Variants in DARS2 observed in about 807,000 individuals in gnomAD.
DARS2 encodes the protein aspartate--tRNA ligase, mitochondrial.
A neutral mutation model predicts 83.0 loss-of-function variants in DARS2; 63 were observed. The ratio of observed to expected loss-of-function variants is 0.76; its 90% CI spans 0.62 to 0.94. The LOEUF (loss-of-function observed/expected upper bound fraction) is 0.94. Ranked by LOEUF, DARS2 falls within the 40% of genes least tolerant of loss-of-function variation. The pLI, the probability that DARS2 is intolerant of heterozygous loss-of-function variation, is 0.00. For missense variants in DARS2, 675 were observed against 774.4 expected (o/e 0.87, Z 1.52); for synonymous variants, 250 against 269.3 (o/e 0.93, Z 0.70).
At chr1:173,835,434 T>G (rs1304492114) in intron 7 of DARS2, among the ~76,000 whole-genome samples, 1 of 147,660 alleles carries the variant, frequency 6.8e-6, no homozygotes, top group African/African-American at 2.5e-5. Flanking sequence ...CCGGGCGCGG[T>G]GGCTCACACA....
intron 11 of DARS2, among the ~76,000 whole-genome samples, chr1:173,842,279 A>ACTTT (rs1275744572): frequency 2.2e-4 from 17 of 78,686 alleles, no homozygotes; most frequent in South Asian, 8.6e-4. Context: ...CAGTCTCATT[A>ACTTT]CTTTCTTTTT....
intron 8 of DARS2, 137 bp downstream of exon 8, chr1:173,837,183 C>T: frequency 1.3e-6 from 1 of 793,576 alleles, no homozygotes; most frequent in Non-Finnish European, 2.1e-6. Flanking sequence ...TTATAAAATG[C>T]CCTCATAATT....
chr1:173,827,475 A>G (rs938473769), intron 2 of DARS2, among the ~76,000 whole-genome samples: 1 of 152,116 alleles, frequency 6.6e-6, no homozygotes, highest in African/African-American at 2.4e-5. Flanking sequence ...TAAAAATACA[A>G]AAAAAGTTCG....
chr1:173,825,199 T>C lies in DARS2; in HGVS notation c.-31T>C. On this transcript the variant is annotated 5_prime_UTR_variant, in exon 1 of 17. Transcript: ENST00000649689. ...TAACTACCGGCAGCGTGGGATTTCG[T>C]GATTGTTTTTCGCCATCGTGTGGCT... The C allele has an allele frequency of 6.2e-7, 1 of 1,607,226 alleles. No homozygotes were observed. The highest frequency in any genetic ancestry group is 1.3e-5 in the African/African-American group (1 of 74,708).
chr1:173,826,225 A>G (rs1188921607), intron 1 of DARS2, among the ~76,000 whole-genome samples: 1 of 125,118 alleles, frequency 8.0e-6, no homozygotes, highest in Non-Finnish European at 1.5e-5. Context: ...CTCCATCTCA[A>G]AAAAAAAAAA....
rs1653907069 is a variant in DARS2, at chr1:173,857,755, C to T, written c.*50C>T. The T allele has an allele frequency of 3.7e-6, 6 of 1,600,634 alleles. No homozygotes were observed. Among genetic ancestry groups the T allele is most frequent in the Middle Eastern group, 1.7e-4 (1 of 5,998 alleles). ...GAGCTTTTAGGTTTTGTCCTCTTTG[C>T]TTCCCCAAGGCTAAAGTCAGATCTA... On this transcript the variant is annotated 3_prime_UTR_variant, in exon 17 of 17. Transcript: ENST00000649689.
chr1:173,855,817 A>ATT (rs57005267), intron 15 of DARS2, among the ~76,000 whole-genome samples: 6 of 139,794 alleles, frequency 4.3e-5, no homozygotes, highest in African/African-American at 7.7e-5. Flanking sequence ...CACGCCCAGC[A>ATT]TTTTTTTTTT....
chr1:173,825,186 G>C lies in DARS2; in HGVS notation c.-44G>C. On this transcript the variant is annotated 5_prime_UTR_variant, in exon 1 of 17. Transcript: ENST00000649689. ...CAAAACTGACTTTTAACTACCGGCA[G>C]CGTGGGATTTCGTGATTGTTTTTCG... 1 of 1,603,046 alleles carries C rather than the reference G, an allele frequency of 6.2e-7. No individual in the cohort carries two copies. Among genetic ancestry groups the C allele is most frequent in the East Asian group, 2.3e-5 (1 of 44,330 alleles).
chr1:173,845,910 C>T (rs1653416842), intron 12 of DARS2, among the ~76,000 whole-genome samples: 3 of 152,204 alleles, frequency 2.0e-5, no homozygotes, highest in Admixed American at 1.3e-4. Context: ...GTAATCCCAG[C>T]ACTTTGGGAG....
At chr1:173,825,836 A>G (rs2102631682) in intron 1 of DARS2, among the ~76,000 whole-genome samples, 2 of 152,036 alleles carry the variant, frequency 1.3e-5, no homozygotes, top group South Asian at 4.1e-4. Context: ...TATTCATTAT[A>G]CGGCAGTTTT....
intron 4 of DARS2, among the ~76,000 whole-genome samples, 163 bp downstream of exon 4, chr1:173,830,924 T>A (rs139978758): frequency 3.3e-5 from 5 of 152,294 alleles, no homozygotes; most frequent in Non-Finnish European, 4.4e-5. Flanking sequence ...CAAACACATC[T>A]ATGTAAATAT....
intron 2 of DARS2, among the ~76,000 whole-genome samples, chr1:173,827,400 C>T (rs543592799): frequency 7.2e-5 from 11 of 152,196 alleles, no homozygotes; most frequent in African/African-American, 2.6e-4. Flanking sequence ...GAGGCCGAGG[C>T]GGGCGGATCA....
intron 11 of DARS2, 72 bp from the exon 12 acceptor site, chr1:173,845,157 T>C (rs1653385693): frequency 2.2e-6 from 2 of 917,252 alleles, no homozygotes; most frequent in African/African-American, 3.3e-5. Context: ...ATATTTGTCA[T>C]TTGATCGCAT....
chr1:173,843,501 C>A (rs9425755), intron 11 of DARS2, among the ~76,000 whole-genome samples: 70,260 of 151,860 alleles, frequency 0.46, 19,097 homozygotes, highest in African/African-American at 0.75. Context: ...CGGAGGTTGC[C>A]GTGATCTGAG....
At chr1:173,826,443 T>G (rs1206487054) in intron 1 of DARS2, among the ~76,000 whole-genome samples, 3 of 152,152 alleles carry the variant, frequency 2.0e-5, no homozygotes, top group Non-Finnish European at 2.9e-5. Context: ...CAAAAAAATT[T>G]TGATTTCCTA....
At chr1:173,842,491 T>A (rs373986205) in intron 11 of DARS2, among the ~76,000 whole-genome samples, 2 of 149,240 alleles carry the variant, frequency 1.3e-5, no homozygotes, top group African/African-American at 4.9e-5. Context: ...TTAGTAGAGA[T>A]GGAGTTTCAC....
chr1:173,845,706 C>A (rs1653408730), intron 12 of DARS2, among the ~76,000 whole-genome samples: 1 of 151,986 alleles, frequency 6.6e-6, no homozygotes. Flanking sequence ...CCAGCCTAGG[C>A]ATCAGAGCAA....
intron 1 of DARS2, among the ~76,000 whole-genome samples, chr1:173,826,365 G>A (rs1187987968): frequency 6.6e-6 from 1 of 152,052 alleles, no homozygotes; most frequent in African/African-American, 2.4e-5. Flanking sequence ...TATTTCATTT[G>A]AGGAAGAAAT....
chr1:173,846,277 G>A (rs1220883764), intron 12 of DARS2, among the ~76,000 whole-genome samples: 1 of 152,164 alleles, frequency 6.6e-6, no homozygotes, highest in Admixed American at 6.5e-5. Flanking sequence ...GTTGCAGTGA[G>A]CTGAGATCAC....
Sources: gnomAD v4.1 joint callset for allele counts (sites outside exome capture counted in the v4.1 genomes callset) on GRCh38, gnomAD v4.1.1 for gene constraint, MANE v1.5 for transcripts, NCBI Gene and HGNC (gene_info 2026-07-23, HGNC 2026-07-21) for gene names.